Variants in ANO10 observed in about 807,000 individuals in gnomAD.
The protein encoded by ANO10 is anoctamin-10.
In ANO10, 77 loss-of-function variants were observed where a neutral mutation model predicts 74.7. The observed-to-expected ratio is 1.03, with a 90% CI of 0.86 to 1.25. ANO10 has a LOEUF of 1.25. ANO10 is among the 50% of genes most tolerant of loss of function. ANO10 has a pLI of 0.00. For synonymous variants in ANO10, 279 were observed against 284.9 expected (o/e 0.98, Z 0.21); for missense variants, 721 against 778.1 (o/e 0.93, Z 0.87).
chr3:43,366,515 C>G lies in ANO10; in HGVS notation c.*391G>C, dbSNP rs1001214848. 22 of 369,538 alleles carry G rather than the reference C, an allele frequency of 6.0e-5. No individual in the cohort carries two copies. The highest frequency in any genetic ancestry group is 1.0e-4 in the Non-Finnish European group (20 of 191,374). 22.9% of individuals were successfully genotyped at this position (369,538 alleles called of 1,614,324 possible). The stretch of plus-strand genomic sequence containing the variant: ...GAGCACAGTGGGCACACACCCCATC[C>G]CCAACCTGTCCACGGGTCCCTGGGC... On this transcript the variant is annotated 3_prime_UTR_variant, in exon 13 of 13. Transcript: ENST00000292246.
At chr3:43,575,554 A>G (rs900569262) in intron 6 of ANO10, among the ~76,000 whole-genome samples, 1 of 152,226 alleles carries the variant, frequency 6.6e-6, no homozygotes, top group Non-Finnish European at 1.5e-5. Flanking sequence ...AAATAATATA[A>G]AACTTTAGCC....
intron 1 of ANO10, among the ~76,000 whole-genome samples, chr3:43,635,716 T>A (rs947134641): frequency 6.6e-6 from 1 of 151,170 alleles, no homozygotes; most frequent in Admixed American, 6.6e-5. Context: ...GCCTTCTGGG[T>A]TCAAGCAATT....
intron 6 of ANO10, 32 bp from the exon 7 acceptor site, chr3:43,574,896 A>G (rs765104873): frequency 6.3e-7 from 1 of 1,591,470 alleles, no homozygotes. Context: ...GTAACTTCTC[A>G]GTAAGAAAAC....
At chr3:43,459,767 G>C (rs2075299036) in intron 11 of ANO10, among the ~76,000 whole-genome samples, 1 of 152,168 alleles carries the variant, frequency 6.6e-6, no homozygotes, top group Non-Finnish European at 1.5e-5. Flanking sequence ...CCCATGGAAG[G>C]AGGGACTGAG....
intron 1 of ANO10, among the ~76,000 whole-genome samples, chr3:43,648,656 T>C (rs2083752309): frequency 6.6e-6 from 1 of 150,458 alleles, no homozygotes; most frequent in Admixed American, 6.6e-5. Context: ...TTCTTGGTTT[T>C]GGTGGGTTTT....
At chr3:43,550,919 G>T (rs1281008201) in intron 10 of ANO10, among the ~76,000 whole-genome samples, 1 of 151,898 alleles carries the variant, frequency 6.6e-6, no homozygotes, top group Non-Finnish European at 1.5e-5. Flanking sequence ...CAGTTTGTAT[G>T]CAAAATAAGC....
chr3:43,659,587 C>T (rs1004912858), intron 1 of ANO10, among the ~76,000 whole-genome samples: 3 of 152,172 alleles, frequency 2.0e-5, no homozygotes, highest in Admixed American at 6.5e-5. Flanking sequence ...TGGAACTGGG[C>T]GGGGCCCACT....
chr3:43,568,552 C>T (rs1401911249), intron 7 of ANO10, among the ~76,000 whole-genome samples: 3 of 148,642 alleles, frequency 2.0e-5, no homozygotes, highest in Non-Finnish European at 4.5e-5. Flanking sequence ...CGCTCAACTA[C>T]ATGGAAACTG....
rs1307260892 is a variant in ANO10 at position 43,615,875 on chromosome 3, G to A, written c.-12+6034C>T. Among the ~76,000 whole-genome samples the A allele has an allele frequency of 3.3e-5, 5 of 151,976 alleles. No homozygotes were observed. In the East Asian group the frequency reaches 5.8e-4, roughly 18 times the overall value. Reference sequence around the variant, plus strand: ...TCACCGTGTTAGCCAGGATGGTCTCGATCTCCTGACCTTGTGATCCGCCCG... The same window carrying A: ...TCACCGTGTTAGCCAGGATGGTCTCAATCTCCTGACCTTGTGATCCGCCCG... On this transcript the variant is annotated intron_variant, in intron 1 of 12. Transcript: ENST00000292246.
chr3:43,651,489 TAA>T lies in ANO10; in HGVS notation c.-12+40026_-12+40027del, dbSNP rs1345495801. ...TGGAAGAGTTTTTGGAAGATAGAAG[TAA>T]AGTGTCTTAAAAAAAGAGGGAGTAT... On this transcript the variant is annotated intron_variant, in intron 1 of 3. Coordinates refer to the ANO10 transcript ENST00000413397. Among the ~76,000 whole-genome samples, 3 of 152,218 alleles carry T rather than the reference TAA, an allele frequency of 2.0e-5. No individual in the cohort carries two copies. The East Asian group carries it at 5.8e-4, about 29-fold the overall frequency.
At chr3:43,397,099 T>C (rs1256523840) in intron 12 of ANO10, among the ~76,000 whole-genome samples, 1 of 151,960 alleles carries the variant, frequency 6.6e-6, no homozygotes, top group East Asian at 1.9e-4. Context: ...CCAGCTGATT[T>C]TGTATTTTTA....
intron 1 of ANO10, among the ~76,000 whole-genome samples, chr3:43,662,913 CA>C (rs1221712792): frequency 6.6e-6 from 1 of 152,002 alleles, no homozygotes; most frequent in Non-Finnish European, 1.5e-5. Context: ...GCCTACCAAC[CA>C]AAAAAAGTTC....
chr3:43,403,119 T>C (rs2092512798), intron 12 of ANO10, among the ~76,000 whole-genome samples: 2 of 152,216 alleles, frequency 1.3e-5, no homozygotes. Flanking sequence ...GTTCCAACCC[T>C]GAACACTGGA....
chr3:43,506,184 T>C (rs2077287786), intron 11 of ANO10, among the ~76,000 whole-genome samples: 2 of 152,202 alleles, frequency 1.3e-5, no homozygotes, highest in Non-Finnish European at 2.9e-5. Flanking sequence ...ACGTCATCCT[T>C]GTCTCAGAAA....
intron 1 of ANO10, among the ~76,000 whole-genome samples, chr3:43,619,605 T>A (rs2083283126): frequency 6.6e-6 from 1 of 152,072 alleles, no homozygotes; most frequent in African/African-American, 2.4e-5. Context: ...ATCCCAGCAC[T>A]TTGGGAGTCC....
At chr3:43,664,949 T>C (rs967202236) in intron 1 of ANO10, among the ~76,000 whole-genome samples, 8 of 152,170 alleles carry the variant, frequency 5.3e-5, no homozygotes, top group African/African-American at 1.4e-4. Flanking sequence ...AGTTCAACCA[T>C]TGTGGAAGAC....
chr3:43,679,598 C>T (rs541967223), intron 1 of ANO10, among the ~76,000 whole-genome samples: 4 of 152,316 alleles, frequency 2.6e-5, no homozygotes, highest in Admixed American at 2.6e-4. Flanking sequence ...AGTAGTGGTT[C>T]TCCCAGCACA....
Position 43,596,731 on chromosome 3 carries a change from AG to A in ANO10, c.472+1800del, listed in dbSNP as rs558235798. Among the ~76,000 whole-genome samples the A allele has an allele frequency of 6.3e-3, 961 of 152,352 alleles. 3 individuals are homozygous for A. The highest frequency in any genetic ancestry group is 0.02 in the Middle Eastern group (6 of 294). On this transcript the variant is annotated intron_variant, in intron 4 of 12. Coordinates refer to ENST00000292246, the MANE Select transcript of ANO10 (RefSeq NM_018075.5). The stretch of plus-strand genomic sequence containing the variant: ...AGGACTTCCTGTCTAAAACACCAAA[AG>A]CAATGGCAACAAAAGCCAAAATTGA...
intron 11 of ANO10, among the ~76,000 whole-genome samples, chr3:43,522,775 A>G (rs559989753): frequency 5.3e-5 from 8 of 152,320 alleles, no homozygotes; most frequent in Admixed American, 1.3e-4. Context: ...GTCCAAAGTC[A>G]TATCTAGAGC....
Sources: gnomAD v4.1 joint callset for allele counts (sites outside exome capture counted in the v4.1 genomes callset) on GRCh38, gnomAD v4.1.1 for gene constraint, MANE v1.5 for transcripts, NCBI Gene and HGNC (gene_info 2026-07-23, HGNC 2026-07-21) for gene names.